TMEM266: variants seen among roughly 807,000 people sequenced by gnomAD.
The protein encoded by TMEM266 is transmembrane protein 266.
In TMEM266, 33 loss-of-function variants were observed where a neutral mutation model predicts 50.5. The ratio of observed to expected loss-of-function variants is 0.65; its 90% CI spans 0.50 to 0.87. The LOEUF is 0.87. Among genes scored for constraint, TMEM266 ranks in the 40% least tolerant of loss-of-function variants. TMEM266 has a pLI of 0.00. For synonymous variants in TMEM266, 310 were observed against 292.3 expected (o/e 1.06, Z -0.62); for missense variants, 655 against 695.1 (o/e 0.94, Z 0.65).
Position 76,108,472 on chromosome 15 carries a change from A to C in TMEM266, c.-96-25696A>C, listed in dbSNP as rs537744181. Among the ~76,000 whole-genome samples the C allele has an allele frequency of 2.6e-5, 4 of 152,364 alleles. No homozygotes were observed. The East Asian group carries it at 5.8e-4, about 22-fold the overall frequency. ...TATAAATCTCCTGGGGATCCTGTTA[A>C]GCTACAGATTCCTGATTCACTGGGC... On this transcript the variant is annotated intron_variant, in intron 1 of 10. Transcript: ENST00000388942.
chr15:76,063,518 T>TA (rs2036347404), intron 1 of TMEM266, among the ~76,000 whole-genome samples: 1 of 152,150 alleles, frequency 6.6e-6, no homozygotes, highest in Non-Finnish European at 1.5e-5. Context: ...ATCTTCATAG[T>TA]CCCTCGCCTC....
intron 2 of TMEM266, among the ~76,000 whole-genome samples, chr15:76,135,482 C>T (rs1355158279): frequency 3.3e-5 from 5 of 152,208 alleles, no homozygotes; most frequent in Non-Finnish European, 5.9e-5. Flanking sequence ...GTTAATTTCT[C>T]TTATTGATCA....
At chr15:76,203,646 C>G in intron 10 of TMEM266, 95 bp from the exon 11 acceptor site, 1 of 1,197,166 alleles carries the variant, frequency 8.4e-7, no homozygotes, top group Non-Finnish European at 1.2e-6. Flanking sequence ...CCTAGCCACA[C>G]TCATTGCCCA....
intron 8 of TMEM266, among the ~76,000 whole-genome samples, chr15:76,184,977 C>T (rs1473273127): frequency 2.6e-5 from 4 of 152,180 alleles, no homozygotes; most frequent in African/African-American, 9.7e-5. Context: ...AGATTTGCTT[C>T]ATCGGAGCCA....
At chr15:76,183,750 T>C (rs147502064) in intron 8 of TMEM266, among the ~76,000 whole-genome samples, 1 of 152,334 alleles carries the variant, frequency 6.6e-6, no homozygotes, top group Non-Finnish European at 1.5e-5. Context: ...CCTGGGGGAA[T>C]GCCATGCCTC....
intron 8 of TMEM266, among the ~76,000 whole-genome samples, chr15:76,188,086 C>G (rs2456049): frequency 0.42 from 63,116 of 151,670 alleles, 13,626 homozygotes; most frequent in East Asian, 0.57. Flanking sequence ...GCCTTCCCCC[C>G]CCACCCCGCC....
chr15:76,141,152 G>A (rs1424836465), intron 3 of TMEM266, among the ~76,000 whole-genome samples: 1 of 151,952 alleles, frequency 6.6e-6, no homozygotes, highest in Non-Finnish European at 1.5e-5. Flanking sequence ...TTCTAACATC[G>A]TGGCTGTGAC....
intron 1 of TMEM266, among the ~76,000 whole-genome samples, chr15:76,062,327 C>G (rs2036320591): frequency 6.6e-6 from 1 of 152,018 alleles, no homozygotes; most frequent in African/African-American, 2.4e-5. Context: ...CTGTTTTTGC[C>G]TTGGTCAATG....
At chr15:76,192,206 C>T (rs2038586944) in intron 9 of TMEM266, 49 bp downstream of exon 9, 2 of 1,381,252 alleles carry the variant, frequency 1.4e-6, no homozygotes, top group East Asian at 6.0e-5. Flanking sequence ...CCGGGGATCC[C>T]CCTCGCCTCC....
rs139991942 is a variant in TMEM266 at position 76,145,245 on chromosome 15, T to C, written c.227+7350T>C. On this transcript the variant is annotated intron_variant, in intron 3 of 10. Transcript: ENST00000388942. ...ACCCCTAATGTGTGGAACCTGGACC[T>C]CACCAACCCATTACTACCAAAATGA... Among the ~76,000 whole-genome samples the C allele has an allele frequency of 5.8e-4, 88 of 152,260 alleles. No homozygotes were observed. In the East Asian group the frequency reaches 0.015, roughly 26 times the overall value.
chr15:76,075,752 C>G (rs1275322413), intron 1 of TMEM266, among the ~76,000 whole-genome samples: 1 of 141,756 alleles, frequency 7.1e-6, no homozygotes, highest in Non-Finnish European at 1.5e-5. Context: ...AGTCTCTCAT[C>G]TATCACATAC....
intron 3 of TMEM266, among the ~76,000 whole-genome samples, chr15:76,152,227 G>T (rs1448313183): frequency 6.6e-6 from 1 of 152,188 alleles, no homozygotes; most frequent in Non-Finnish European, 1.5e-5. Flanking sequence ...CCAAGAGGAG[G>T]GGGTGCACAG....
intron 5 of TMEM266, among the ~76,000 whole-genome samples, chr15:76,164,217 T>C (rs1163517459): frequency 6.6e-6 from 1 of 152,196 alleles, no homozygotes; most frequent in Non-Finnish European, 1.5e-5. Flanking sequence ...CTTTCTTTTT[T>C]CTTTTCGAGA....
At position 76,139,119 on chromosome 15, in the gene TMEM266, G is replaced by T. The variant is rs554886722; in HGVS notation, c.227+1224G>T. Among the ~76,000 whole-genome samples, 1 of 152,296 alleles carries T rather than the reference G, an allele frequency of 6.6e-6. No homozygotes were observed. Among genetic ancestry groups the T allele is most frequent in the South Asian group, 2.1e-4 (1 of 4,824 alleles). On this transcript the variant is annotated intron_variant, in intron 3 of 10. Coordinates refer to ENST00000388942, the MANE Select transcript of TMEM266 (RefSeq NM_152335.3). This position sits in a 1 kb window ranked among gnomAD's most constrained non-coding sequence, Gnocchi z 4.1. ...TGCTGGCTGCTTTGAATATAAAAATGAAGGGTTGTCAGGTATTTTAGAAGC... is the reference window on the plus strand; with the variant it reads ...TGCTGGCTGCTTTGAATATAAAAATTAAGGGTTGTCAGGTATTTTAGAAGC...
At chr15:76,170,200 G>A (rs1331240989) in intron 6 of TMEM266, among the ~76,000 whole-genome samples, 1 of 152,216 alleles carries the variant, frequency 6.6e-6, no homozygotes, top group Non-Finnish European at 1.5e-5. Context: ...AAAGCTGAGC[G>A]GGAAACTGTC....
intron 1 of TMEM266, among the ~76,000 whole-genome samples, chr15:76,111,504 C>T (rs539841532): frequency 6.6e-6 from 1 of 151,892 alleles, no homozygotes; most frequent in South Asian, 2.1e-4. Context: ...CACAATAAAG[C>T]GATTCTCCTG....
chr15:76,157,289 C>T (rs1466900905), intron 4 of TMEM266, among the ~76,000 whole-genome samples: 1 of 152,116 alleles, frequency 6.6e-6, no homozygotes, highest in East Asian at 1.9e-4. Flanking sequence ...ACTACAGTAA[C>T]CCTGTGAGAT....
At chr15:76,122,270 T>C (rs1174642068) in intron 1 of TMEM266, among the ~76,000 whole-genome samples, 1 of 152,246 alleles carries the variant, frequency 6.6e-6, no homozygotes, top group African/African-American at 2.4e-5. Context: ...TTGCTTACCA[T>C]CTATTTGGAC....
intron 3 of TMEM266, among the ~76,000 whole-genome samples, chr15:76,148,054 G>A (rs377635904): frequency 2.2e-4 from 34 of 152,254 alleles, no homozygotes; most frequent in African/African-American, 6.8e-4. Flanking sequence ...GTCCCCACCT[G>A]CTCACAAGGC....
Sources: gnomAD v4.1 joint callset for allele counts (sites outside exome capture counted in the v4.1 genomes callset) on GRCh38, gnomAD v4.1.1 for gene constraint, Gnocchi (gnomAD v3.1) non-coding constraint, MANE v1.5 for transcripts, NCBI Gene and HGNC (gene_info 2026-07-23, HGNC 2026-07-21) for gene names.